The following SLC14A2 variants were observed in gnomAD, a reference collection of about 807,000 sequenced individuals.
SLC14A2 encodes solute carrier family 14 member 2.
Under a neutral mutation model 104.6 loss-of-function variants are expected in SLC14A2, and 91 were observed. That is an observed-to-expected ratio of 0.87 (90% CI 0.73 to 1.04). The LOEUF (loss-of-function observed/expected upper bound fraction) is 1.04, where lower values mean the gene tolerates loss of function less well. Among genes scored for constraint, SLC14A2 ranks in the 50% least tolerant of loss-of-function variants. The pLI is 0.00. For missense variants in SLC14A2, 1,189 were observed against 1,156.0 expected, an observed-to-expected ratio of 1.03 and a Z score of -0.41; for synonymous variants, 476 against 466.4, an observed-to-expected ratio of 1.02 and a Z score of -0.27.
chr18:45,590,543 C>T (rs1047282494), intron 2 of SLC14A2, among the ~76,000 whole-genome samples: 1 of 152,178 alleles, frequency 6.6e-6, no homozygotes, highest in Admixed American at 6.5e-5. Context: ...CAGGAGCTCA[C>T]GTGTGTGTAC....
intron 1 of SLC14A2, among the ~76,000 whole-genome samples, chr18:45,387,497 T>C (rs765054838): frequency 6.6e-6 from 1 of 152,212 alleles, no homozygotes; most frequent in East Asian, 1.9e-4. Context: ...GTGTGCTTCA[T>C]AGGCAGTAAA....
chr18:45,420,833 C>T (rs1331641618), intron 1 of SLC14A2, among the ~76,000 whole-genome samples: 1 of 151,602 alleles, frequency 6.6e-6, no homozygotes, highest in African/African-American at 2.4e-5. Context: ...CTCCGCCTCC[C>T]GGGTTCAAGA....
chr18:45,326,332 T>C (rs2085233944), intron 1 of SLC14A2, among the ~76,000 whole-genome samples: 1 of 152,036 alleles, frequency 6.6e-6, no homozygotes, highest in African/African-American at 2.4e-5. Context: ...AATGATTCCC[T>C]TTTTCTCTTG....
intron 2 of SLC14A2, among the ~76,000 whole-genome samples, chr18:45,486,250 C>T (rs2087603361): frequency 6.6e-6 from 1 of 152,154 alleles, no homozygotes; most frequent in Non-Finnish European, 1.5e-5. Flanking sequence ...CCTTTTATCC[C>T]ATTTTAGCAT....
At chr18:45,399,427 T>C (rs9962519) in intron 1 of SLC14A2, among the ~76,000 whole-genome samples, 1,633 of 152,262 alleles carry the variant, frequency 0.011, 26 homozygotes, top group African/African-American at 0.037. Context: ...GAGGCAGGGT[T>C]TGAGTTTGTC....
Position 45,606,519 on chromosome 18 carries a change from G to C in SLC14A2, c.-34-18112G>C, listed in dbSNP as rs924515715. Among the ~76,000 whole-genome samples, 10 of 152,146 alleles carry C rather than the reference G, an allele frequency of 6.6e-5. 1 individual carries two copies. The East Asian group carries it at 1.5e-3, about 24-fold the overall frequency. On this transcript the variant is annotated intron_variant, in intron 2 of 20. Transcript: ENST00000586448. ...CTATTGCATTCAAGAACCCACCACT[G>C]TATTCTAGGAATCAGTCAGCCACAA... is the stretch of plus-strand genomic sequence containing the variant.
chr18:45,420,458 G>A (rs764299881), intron 1 of SLC14A2, among the ~76,000 whole-genome samples: 4 of 152,190 alleles, frequency 2.6e-5, no homozygotes, highest in African/African-American at 9.7e-5. Context: ...AAGGGGGCAT[G>A]TCTTGGAGGT....
At chr18:45,198,906 T>C in the SLC14A2 span, among the ~76,000 whole-genome samples, 1 of 152,176 alleles carries the variant, frequency 6.6e-6, no homozygotes, top group Non-Finnish European at 1.5e-5. Flanking sequence ...TATGTATTTT[T>C]ATCATCACAA....
chr18:45,203,341 G>T, the SLC14A2 span, among the ~76,000 whole-genome samples: 22 of 152,272 alleles, frequency 1.4e-4, no homozygotes, highest in South Asian at 4.4e-3. Context: ...AGGTGATATT[G>T]ACTACTCTTC....
At chr18:45,221,290 G>A (rs2143992995) in intron 1 of SLC14A2, among the ~76,000 whole-genome samples, 1 of 152,264 alleles carries the variant, frequency 6.6e-6, no homozygotes, top group South Asian at 2.1e-4. Context: ...ATAGCTCATG[G>A]CTTCTAGCAC....
At chr18:45,544,393 C>T (rs1423302912) in intron 2 of SLC14A2, among the ~76,000 whole-genome samples, 7 of 152,200 alleles carry the variant, frequency 4.6e-5, no homozygotes, top group Non-Finnish European at 8.8e-5. Flanking sequence ...CTCTCCCACT[C>T]ATTAAGTGTC....
chr18:45,261,784 C>T (rs892725339), intron 1 of SLC14A2, among the ~76,000 whole-genome samples: 1 of 152,192 alleles, frequency 6.6e-6, no homozygotes, highest in Admixed American at 6.5e-5. Context: ...ATATGTGACA[C>T]ATTTTCTTAA....
intron 1 of SLC14A2, among the ~76,000 whole-genome samples, chr18:45,241,662 A>ATTTT (rs2084318713): frequency 1.4e-5 from 1 of 69,966 alleles, no homozygotes; most frequent in Admixed American, 1.8e-4. Context: ...TTTTTTTTTG[A>ATTTT]AATGGAGTTT....
At chr18:45,530,999 T>C (rs1197587535) in intron 2 of SLC14A2, among the ~76,000 whole-genome samples, 1 of 152,200 alleles carries the variant, frequency 6.6e-6, no homozygotes, top group Non-Finnish European at 1.5e-5. Context: ...GGTTTCTAGC[T>C]TCATCCATGT....
intron 6 of SLC14A2, among the ~76,000 whole-genome samples, chr18:45,638,928 T>C (rs1391462113): frequency 2.0e-5 from 3 of 152,130 alleles, no homozygotes; most frequent in Non-Finnish European, 4.4e-5. Flanking sequence ...CCCTCCTTTC[T>C]TTTTCTGCCC....
chr18:45,585,773 C>T (rs2044558394), intron 2 of SLC14A2, among the ~76,000 whole-genome samples: 1 of 152,172 alleles, frequency 6.6e-6, no homozygotes, highest in Non-Finnish European at 1.5e-5. Flanking sequence ...TACCCACCTG[C>T]CCCCTTCTCC....
At chr18:45,672,417 T>G (rs2046155395) in intron 16 of SLC14A2, among the ~76,000 whole-genome samples, 1 of 151,778 alleles carries the variant, frequency 6.6e-6, no homozygotes, top group Non-Finnish European at 1.5e-5. Context: ...TAATCCCAGC[T>G]ACTCGGGAGG....
At chr18:45,592,987 A>G (rs960706595) in intron 2 of SLC14A2, among the ~76,000 whole-genome samples, 2 of 152,182 alleles carry the variant, frequency 1.3e-5, no homozygotes, top group South Asian at 2.1e-4. Context: ...TCAAACAACT[A>G]AAGATCCAAA....
At chr18:45,592,467 C>G (rs749287140) in intron 2 of SLC14A2, among the ~76,000 whole-genome samples, 1 of 152,168 alleles carries the variant, frequency 6.6e-6, no homozygotes, top group African/African-American at 2.4e-5. Context: ...CCCTAAGCGC[C>G]CCATTCCCAG....
Sources: allele counts gnomAD v4.1 joint callset (sites outside exome capture counted in the v4.1 genomes callset), GRCh38; gene constraint gnomAD v4.1.1; transcripts MANE v1.5; gene names NCBI Gene and HGNC (gene_info 2026-07-23, HGNC 2026-07-21).